TLE1: variants seen among roughly 807,000 people sequenced by gnomAD.
TLE1 encodes TLE family member 1, transcriptional corepressor, also known as transducin-like enhancer protein 1.
Under a neutral mutation model 89.8 loss-of-function variants are expected in TLE1, and 21 were observed. The ratio of observed to expected loss-of-function variants is 0.23; its 90% confidence interval spans 0.17 to 0.34. The LOEUF (loss-of-function observed/expected upper bound fraction) is 0.34. TLE1 is among the 10% of genes least tolerant of loss of function. The pLI, the probability that TLE1 is intolerant of heterozygous loss-of-function variation, is 1.00. For synonymous variants in TLE1, 447 were observed against 407.6 expected (o/e 1.10, Z -1.16); for missense variants, 795 against 1,031.2 (o/e 0.77, Z 3.14).
rs887246712 is a variant in TLE1, at chr9:81,689,484, T to A, written c.-1244A>T. ...GAGTACCCGCCGCTGTTTCTGCTGC[T>A]GCTGCTTCTGCAGCCGCCGCTCCCA... On this transcript the variant is annotated 5_prime_UTR_variant, in exon 1 of 20. Coordinates refer to ENST00000376499, the MANE Select transcript of TLE1 (RefSeq NM_005077.5). 6.6e-6 allele frequency among the ~76,000 whole-genome samples: 1 copy of A among 152,108 alleles called. No homozygotes were observed. The highest frequency in any genetic ancestry group is 1.5e-5 in the Non-Finnish European group (1 of 68,000).
intron 6 of TLE1, 27 bp from the exon 7 acceptor site, chr9:81,634,328 A>G: frequency 6.8e-7 from 1 of 1,461,852 alleles, no homozygotes; most frequent in Non-Finnish European, 9.1e-7. Context: ...TGAGAGAGAA[A>G]AAGGAGGAGG....
intron 15 of TLE1, among the ~76,000 whole-genome samples, chr9:81,591,915 C>T (rs981190074): frequency 2.9e-4 from 44 of 152,308 alleles, no homozygotes; most frequent in African/African-American, 1.0e-3. Flanking sequence ...GGAATCCTTA[C>T]AATTTTCCAG....
chr9:81,623,023 G>A (rs548273972), intron 8 of TLE1, among the ~76,000 whole-genome samples: 2 of 152,080 alleles, frequency 1.3e-5, no homozygotes, highest in Non-Finnish European at 2.9e-5. Context: ...CAGCCCTGAC[G>A]CTGCTTTCAT....
At chr9:81,687,833 C>G (rs1001035079) in intron 1 of TLE1, among the ~76,000 whole-genome samples, 1 of 152,054 alleles carries the variant, frequency 6.6e-6, no homozygotes, top group Non-Finnish European at 1.5e-5. Context: ...TTCCCAGAGT[C>G]GCCGGGGCCA....
In TLE1 at chr9:81,687,207, C is replaced by A. The variant is rs1000631346; in HGVS notation, c.125+127G>T. 4.1e-6 allele frequency: 3 copies of A among 724,592 alleles called. No individual in the cohort carries two copies. In the African/African-American group the frequency reaches 5.3e-5, roughly 13 times the overall value. 44.9% of individuals were successfully genotyped at this position (724,592 alleles called of 1,614,324 possible). On this transcript the variant is annotated intron_variant, in intron 2 of 19. Transcript: ENST00000376499. Reference sequence around the variant, plus strand: ...AAAGGGGGTAACTTGAATGACAGGTCTTAACTGAGACTCCACACGCCACCG... The same window carrying A: ...AAAGGGGGTAACTTGAATGACAGGTATTAACTGAGACTCCACACGCCACCG...
chr9:81,647,092 T>G (rs953996405), intron 6 of TLE1, among the ~76,000 whole-genome samples: 4 of 152,168 alleles, frequency 2.6e-5, no homozygotes, highest in Non-Finnish European at 5.9e-5. Flanking sequence ...CTTGATCTCC[T>G]GAAGTTCACA....
At chr9:81,622,065 C>T (rs978595539) in intron 8 of TLE1, among the ~76,000 whole-genome samples, 1 of 152,192 alleles carries the variant, frequency 6.6e-6, no homozygotes, top group Admixed American at 6.5e-5. Flanking sequence ...TAAAAGCTAA[C>T]CCCTCCAACC....
intron 10 of TLE1, 112 bp from the exon 11 acceptor site, chr9:81,616,246 G>C: frequency 7.2e-7 from 1 of 1,387,388 alleles, no homozygotes; most frequent in Non-Finnish European, 9.8e-7. Context: ...CTTCGGGTTG[G>C]GGTTGTACAA....
intron 5 of TLE1, 101 bp from the exon 6 acceptor site, chr9:81,652,389 G>A: frequency 3.3e-6 from 3 of 900,954 alleles, no homozygotes; most frequent in Middle Eastern, 4.7e-4. Flanking sequence ...GCAGGCTGAA[G>A]TAGAAGGGTT....
chr9:81,604,192 A>G (rs1055427967), intron 14 of TLE1, among the ~76,000 whole-genome samples: 2 of 152,164 alleles, frequency 1.3e-5, no homozygotes, highest in African/African-American at 2.4e-5. Context: ...CTGAGAGGGC[A>G]AAGGAGAATT....
At position 81,634,168 on chromosome 9, in the gene TLE1, C is replaced by G; in HGVS notation, c.506G>C (p.Ser169Thr). Residue 169 changes from serine (S) to threonine (T), a missense_variant, in exon 7 of 20, where the codon AGT (serine) becomes ACT (threonine). Around this residue, in one of 4 missense-constraint regions of TLE1, gnomAD observed 468 missense variants for 509.1 expected, o/e 0.92. Coordinates refer to ENST00000376499, the MANE Select transcript of TLE1 (RefSeq NM_005077.5). ...GGSAGLLALS[S>T]ALSGQSHLAI... Reference sequence around the variant, plus strand: ...CAAGTGAGACTGCCCACTCAGAGCACTAGACAGCGCAAGAAGGCCGGCACT... The same window carrying G: ...CAAGTGAGACTGCCCACTCAGAGCAGTAGACAGCGCAAGAAGGCCGGCACT... The G allele has an allele frequency of 6.2e-7, 1 of 1,600,332 alleles. No individual in the cohort carries two copies. The highest frequency in any genetic ancestry group is 1.1e-5 in the South Asian group (1 of 88,760).
intron 17 of TLE1, among the ~76,000 whole-genome samples, chr9:81,587,447 G>A (rs1374585298): frequency 6.6e-6 from 1 of 152,086 alleles, no homozygotes; most frequent in Admixed American, 6.5e-5. Context: ...ATATAACAGA[G>A]AACACACCTT....
intron 11 of TLE1, among the ~76,000 whole-genome samples, chr9:81,615,765 C>A (rs942629421): frequency 6.6e-6 from 1 of 151,042 alleles, no homozygotes; most frequent in Non-Finnish European, 1.5e-5. Flanking sequence ...AACACAGATG[C>A]GTGTACACCC....
At chr9:81,652,402 A>C (rs1440204125) in intron 5 of TLE1, 114 bp from the exon 6 acceptor site, 1 of 760,782 alleles carries the variant, frequency 1.3e-6, no homozygotes, top group Non-Finnish European at 2.1e-6. Context: ...GAAGGGTTTA[A>C]ATGCAGAATT....
chr9:81,601,573 T>C (rs1277991186), intron 14 of TLE1, among the ~76,000 whole-genome samples: 3 of 149,240 alleles, frequency 2.0e-5, no homozygotes, highest in South Asian at 2.1e-4. Flanking sequence ...CAGGTATTTA[T>C]AGGGAGAACA....
chr9:81,667,398 A>G (rs1184201492), intron 4 of TLE1, among the ~76,000 whole-genome samples: 1 of 151,956 alleles, frequency 6.6e-6, no homozygotes, highest in Non-Finnish European at 1.5e-5. Context: ...AAAAAAAAAA[A>G]AAAAAAAGAA....
At chr9:81,630,797 T>A (rs1425217222) in intron 8 of TLE1, among the ~76,000 whole-genome samples, 1 of 152,220 alleles carries the variant, frequency 6.6e-6, no homozygotes, top group Non-Finnish European at 1.5e-5. Flanking sequence ...ATAGTACACA[T>A]CATCTCATTA....
intron 4 of TLE1, among the ~76,000 whole-genome samples, chr9:81,685,062 C>T (rs1424406017): frequency 6.6e-6 from 1 of 152,132 alleles, no homozygotes; most frequent in Non-Finnish European, 1.5e-5. Context: ...GCTTTAAAAA[C>T]CACTAGGACT....
intron 14 of TLE1, chr9:81,600,184 T>C (rs1352291627): frequency 2.4e-5 from 16 of 678,436 alleles, no homozygotes; most frequent in Non-Finnish European, 4.1e-5. Context: ...AGGCTTAATA[T>C]ATTGCTATTT....
Sources: allele counts gnomAD v4.1 joint callset (sites outside exome capture counted in the v4.1 genomes callset), GRCh38; gene constraint gnomAD v4.1.1; regional missense constraint gnomAD v4.1.1; transcripts MANE v1.5; gene names NCBI Gene and HGNC (gene_info 2026-07-23, HGNC 2026-07-21).